Variants in WDPCP observed in about 807,000 individuals in gnomAD.
WDPCP encodes the protein WD repeat-containing and planar cell polarity effector protein fritz homolog.
In WDPCP, 71 loss-of-function variants were observed where a neutral mutation model predicts 93.1. The observed-to-expected ratio is 0.76, with a 90% CI of 0.63 to 0.93. The LOEUF is 0.93. Ranked by LOEUF, WDPCP falls within the 40% of genes least tolerant of loss-of-function variation. WDPCP has a pLI of 0.00. For synonymous variants in WDPCP, 315 were observed against 315.0 expected (o/e 1.00, Z 0.00); for missense variants, 844 against 887.4 (o/e 0.95, Z 0.62).
intron 2 of WDPCP, 41 bp from the exon 3 acceptor site, chr2:63,487,535 G>C: frequency 6.8e-7 from 1 of 1,469,904 alleles, no homozygotes; most frequent in South Asian, 1.1e-5. Context: ...TGATTTAAAA[G>C]TCCCAGAGAA....
chr2:63,145,527 G>A (rs533894113), intron 17 of WDPCP, among the ~76,000 whole-genome samples: 7 of 152,182 alleles, frequency 4.6e-5, no homozygotes, highest in South Asian at 2.1e-4. Context: ...CAGTTTCTCA[G>A]GGAAGTAGGG....
At chr2:63,494,193 C>T (rs556887896) in intron 1 of WDPCP, among the ~76,000 whole-genome samples, 1 of 152,052 alleles carries the variant, frequency 6.6e-6, no homozygotes, top group Non-Finnish European at 1.5e-5. Flanking sequence ...CCTGCCTGAA[C>T]AGCTGGGCTG....
chr2:63,198,336 T>C (rs2104302341), intron 14 of WDPCP, among the ~76,000 whole-genome samples: 1 of 152,352 alleles, frequency 6.6e-6, no homozygotes, highest in East Asian at 1.9e-4. Flanking sequence ...TTTAAATGTC[T>C]ATGGGGCTAG....
intron 15 of WDPCP, among the ~76,000 whole-genome samples, chr2:63,156,140 C>A (rs1289144794): frequency 4.6e-5 from 7 of 152,068 alleles, no homozygotes; most frequent in Non-Finnish European, 1.0e-4. Flanking sequence ...GCTGGGACTA[C>A]AGGCGTGTGC....
chr2:63,370,290 G>A (rs1238521668), intron 12 of WDPCP, among the ~76,000 whole-genome samples: 1 of 151,934 alleles, frequency 6.6e-6, no homozygotes, highest in African/African-American at 2.4e-5. Context: ...ATTTTTCTAG[G>A]TTCTTCCAGT....
chr2:63,615,880 G>A (rs1048939890), intron 3 of WDPCP, among the ~76,000 whole-genome samples: 17 of 152,212 alleles, frequency 1.1e-4, no homozygotes, highest in African/African-American at 2.4e-4. Context: ...AAGCTTTCTC[G>A]TTTCACCATA....
chr2:63,815,157 A>G (rs539484112), intron 1 of WDPCP, among the ~76,000 whole-genome samples: 3 of 152,202 alleles, frequency 2.0e-5, no homozygotes, highest in Non-Finnish European at 2.9e-5. Context: ...AAAAAGTATA[A>G]TGAGAACTCT....
At chr2:63,588,983 G>A, upstream of WDPCP, 2 of 1,613,284 alleles carry the variant, frequency 1.2e-6, no homozygotes, top group Non-Finnish European at 1.7e-6. Flanking sequence ...CGCGGTAGAG[G>A]TGACCTGACT....
intron 14 of WDPCP, among the ~76,000 whole-genome samples, chr2:63,252,370 A>C (rs1680802894): frequency 6.6e-6 from 1 of 152,188 alleles, no homozygotes; most frequent in South Asian, 2.1e-4. Context: ...TAAGAACAGG[A>C]ATAAGACAAA....
At chr2:63,809,593 T>C (rs1318470486) in intron 2 of WDPCP, among the ~76,000 whole-genome samples, 4 of 152,340 alleles carry the variant, frequency 2.6e-5, no homozygotes, top group Non-Finnish European at 4.4e-5. Flanking sequence ...CTTGGGATCC[T>C]GTTGATCTGT....
chr2:63,136,214 T>C (rs1670607163), intron 17 of WDPCP, among the ~76,000 whole-genome samples: 1 of 152,144 alleles, frequency 6.6e-6, no homozygotes, highest in South Asian at 2.1e-4. Context: ...ACCCAAACAG[T>C]TTTCTTAGAA....
chr2:63,306,600 T>C (rs2103846666), intron 13 of WDPCP, among the ~76,000 whole-genome samples: 1 of 152,312 alleles, frequency 6.6e-6, no homozygotes, highest in East Asian at 1.9e-4. Context: ...TGCAAATAAA[T>C]AAACGTAATC....
At chr2:63,498,568 A>C (rs1288145561) in intron 1 of WDPCP, among the ~76,000 whole-genome samples, 1 of 152,254 alleles carries the variant, frequency 6.6e-6, no homozygotes, top group Admixed American at 6.5e-5. Flanking sequence ...CAAAATAGAA[A>C]TAGTTTCACT....
intron 1 of WDPCP, among the ~76,000 whole-genome samples, chr2:63,561,078 T>C (rs2106411893): frequency 6.6e-6 from 1 of 152,226 alleles, no homozygotes; most frequent in East Asian, 1.9e-4. Context: ...TCAAGATGAA[T>C]TAAAAACTTA....
At chr2:63,647,430 G>A (rs369839150) in intron 3 of WDPCP, among the ~76,000 whole-genome samples, 82 of 152,160 alleles carry the variant, frequency 5.4e-4, no homozygotes, top group Non-Finnish European at 3.1e-4. Flanking sequence ...CACCACACCC[G>A]GCCTATGCAT....
Position 63,404,488 on chromosome 2 carries a change from G to C in WDPCP, c.995C>G (p.Thr332Ser). Residue 332 changes from threonine to serine, a missense_variant, in exon 10 of 18, where the codon ACC (threonine) becomes AGC (serine). Physicochemically the swap from Thr to Ser is moderately conservative, Grantham distance 58. Coordinates refer to ENST00000272321, the MANE Select transcript of WDPCP (RefSeq NM_015910.7). Reference protein sequence around the residue: ...IRNKIQCVSVTRIPLKSKAIS... With the variant: ...IRNKIQCVSVSRIPLKSKAIS... ...GGCCTTTGACTTTAGTGGTATTCTG[G>C]TGACTGACACACACTGGATTTTATT... 6.2e-7 allele frequency: 1 copy of C among 1,614,058 alleles called. No homozygotes were observed. Among genetic ancestry groups the C allele is most frequent in the Non-Finnish European group, 8.5e-7 (1 of 1,180,004 alleles).
At chr2:63,240,416 T>C (rs567028818) in intron 14 of WDPCP, among the ~76,000 whole-genome samples, 1 of 152,180 alleles carries the variant, frequency 6.6e-6, no homozygotes, top group South Asian at 2.1e-4. Context: ...GGCCTCAAGC[T>C]ATCCTCCCAC....
At chr2:63,795,729 GA>G (rs1282595634) in intron 2 of WDPCP, among the ~76,000 whole-genome samples, 1 of 152,148 alleles carries the variant, frequency 6.6e-6, no homozygotes, top group Admixed American at 6.5e-5. Context: ...CAAAGTGCTG[GA>G]ATTACAGGCA....
At chr2:63,246,535 C>T (rs1206898162) in intron 14 of WDPCP, among the ~76,000 whole-genome samples, 5 of 152,164 alleles carry the variant, frequency 3.3e-5, no homozygotes, top group Non-Finnish European at 5.9e-5. Context: ...AAAGAGCATC[C>T]TATCAGCAGT....
Sources: gnomAD v4.1 joint callset for allele counts (sites outside exome capture counted in the v4.1 genomes callset) on GRCh38, gnomAD v4.1.1 for gene constraint, MANE v1.5 for transcripts, NCBI Gene and HGNC (gene_info 2026-07-23, HGNC 2026-07-21) for gene names.